The following IFT74 variants were observed in gnomAD, a reference collection of about 807,000 sequenced individuals.
IFT74 encodes intraflagellar transport 74.
A neutral mutation model predicts 96.7 loss-of-function variants in IFT74; 92 were observed. The observed-to-expected ratio is 0.95, with a 90% CI of 0.80 to 1.13. IFT74 has a LOEUF of 1.13. Among genes scored for constraint, IFT74 ranks in the 50% most tolerant of loss-of-function variants. The probability of loss-of-function intolerance (pLI) is 0.00; values close to 1 mark genes in which losing one functional copy is unlikely to be tolerated. For missense variants in IFT74, 811 were observed against 698.2 expected (o/e 1.16, Z -1.82); for synonymous variants, 223 against 213.2 (o/e 1.05, Z -0.40).
At chr9:27,031,762 AAAATAAAATAAAATAAAAT>A (rs1563989096) in intron 13 of IFT74, among the ~76,000 whole-genome samples, 4 of 148,072 alleles carry the variant, frequency 2.7e-5, no homozygotes, top group Admixed American at 6.7e-5. Context: ...AAAATAAAAT[AAAATAAAATAAAATAAAAT>A]AAATAAAATA....
intron 1 of IFT74, among the ~76,000 whole-genome samples, chr9:26,957,736 T>C (rs916997229): frequency 2.6e-5 from 4 of 151,964 alleles, no homozygotes; most frequent in African/African-American, 9.7e-5. Flanking sequence ...GTCAGAAAAG[T>C]AGTACTGGAC....
chr9:27,036,778 A>C (rs1182605919), intron 13 of IFT74: 1 of 1,142,966 alleles, frequency 8.7e-7, no homozygotes, highest in Non-Finnish European at 1.1e-6. Context: ...ACAAGAAAAT[A>C]AAATTCTTAG....
chr9:26,981,594 G>A (rs1365619300), intron 4 of IFT74, among the ~76,000 whole-genome samples: 1 of 151,926 alleles, frequency 6.6e-6, no homozygotes, highest in African/African-American at 2.4e-5. Flanking sequence ...TTGTGTGTGT[G>A]TTTTTAGTAG....
intron 8 of IFT74, among the ~76,000 whole-genome samples, chr9:27,003,380 G>A (rs1254676711): frequency 1.3e-5 from 2 of 152,056 alleles, no homozygotes; most frequent in African/African-American, 4.8e-5. Flanking sequence ...AAAATTAGCC[G>A]GGTGCAGTGG....
At chr9:26,995,929 C>G (rs41272239) in intron 8 of IFT74, 1 of 964,976 alleles carries the variant, frequency 1.0e-6, no homozygotes, top group Non-Finnish European at 1.5e-6. Context: ...TATCCTAATT[C>G]TCCTCAATAT....
At chr9:27,040,922 G>A (rs931081900) in intron 13 of IFT74, among the ~76,000 whole-genome samples, 1 of 152,128 alleles carries the variant, frequency 6.6e-6, no homozygotes, top group African/African-American at 2.4e-5. Context: ...GTAAAAGTAT[G>A]GGGTGAACTT....
intron 3 of IFT74, among the ~76,000 whole-genome samples, chr9:26,979,655 G>A (rs1247096987): frequency 2.0e-5 from 3 of 148,720 alleles, no homozygotes; most frequent in Non-Finnish European, 4.4e-5. Flanking sequence ...ACTTTGCAGG[G>A]CACTTCATCT....
At chr9:26,958,809 G>A (rs544134739) in intron 1 of IFT74, among the ~76,000 whole-genome samples, 1 of 152,182 alleles carries the variant, frequency 6.6e-6, no homozygotes, top group South Asian at 2.1e-4. Context: ...CCCTGAGTGT[G>A]GATAAGGGGG....
chr9:27,024,974 T>TAAA (rs753094409), intron 12 of IFT74, among the ~76,000 whole-genome samples: 1 of 130,800 alleles, frequency 7.6e-6, no homozygotes, highest in Non-Finnish European at 1.7e-5. Context: ...AAAAAAGAAT[T>TAAA]AAAAAAAAAA....
intron 6 of IFT74, among the ~76,000 whole-genome samples, chr9:26,985,977 C>A (rs1052908898): frequency 6.6e-6 from 1 of 152,120 alleles, no homozygotes; most frequent in Non-Finnish European, 1.5e-5. Flanking sequence ...GAAACAGTCC[C>A]CCTGGCAATA....
chr9:26,998,713 G>C (rs553737957), intron 8 of IFT74, among the ~76,000 whole-genome samples: 15 of 152,234 alleles, frequency 9.9e-5, no homozygotes, highest in African/African-American at 3.4e-4. Context: ...GCTGGGCATG[G>C]TGGCTCACGC....
intron 13 of IFT74, among the ~76,000 whole-genome samples, chr9:27,044,476 T>C (rs1268582072): frequency 2.0e-5 from 3 of 152,222 alleles, no homozygotes; most frequent in Admixed American, 2.0e-4. Context: ...GCACCCATAG[T>C]GTTCATGTAT....
chr9:26,999,564 G>A, intron 8 of IFT74: 1 of 1,370,122 alleles, frequency 7.3e-7, no homozygotes, highest in Non-Finnish European at 1.0e-6. Context: ...TAAATATACA[G>A]AAAATGTACC....
intron 8 of IFT74, among the ~76,000 whole-genome samples, chr9:26,991,983 C>T (rs1023042318): frequency 2.0e-5 from 3 of 151,730 alleles, no homozygotes; most frequent in Non-Finnish European, 2.9e-5. Flanking sequence ...TAGCTGAGGT[C>T]GCGCCATCGT....
chr9:27,060,557 G>T (rs376612433), intron 18 of IFT74, 34 bp from the exon 19 acceptor site: 7 of 1,401,872 alleles, frequency 5.0e-6, no homozygotes, highest in Non-Finnish European at 5.0e-6. Flanking sequence ...TTTAAATATG[G>T]GTCCTAATTA....
chr9:27,002,746 T>C (rs1321488921), intron 8 of IFT74, among the ~76,000 whole-genome samples: 1 of 152,232 alleles, frequency 6.6e-6, no homozygotes, highest in East Asian at 1.9e-4. Context: ...TTGTTCCTTT[T>C]TGCTGAGGGT....
intron 7 of IFT74, 26 bp downstream of exon 7, chr9:26,988,754 G>C: frequency 1.3e-6 from 2 of 1,496,424 alleles, no homozygotes; most frequent in Non-Finnish European, 1.8e-6. Flanking sequence ...AAAGCAAATT[G>C]ATCTATGTAA....
Position 26,984,289 on chromosome 9 carries a change from A to G in IFT74, c.338A>G (p.Asn113Ser). The stretch of plus-strand genomic sequence containing the variant: ...ATAAGTGAACTTACAACTGAAGTTA[A>G]TAAACTTCAGAAGGGAATAGAAATG... ...SKISELTTEVNKLQKGIEMYN... is the reference protein window; with the variant it reads ...SKISELTTEVSKLQKGIEMYN... The change falls in exon 5 of 20, where the codon AAT becomes AGT. Residue 113 changes from asparagine to serine, a missense_variant. Transcript: ENST00000380062. 2 of 1,572,890 alleles carry G rather than the reference A, an allele frequency of 1.3e-6. No individual in the cohort carries two copies. Among genetic ancestry groups the G allele is most frequent in the Non-Finnish European group, 1.7e-6 (2 of 1,158,292 alleles).
intron 2 of IFT74, among the ~76,000 whole-genome samples, chr9:26,967,406 A>G (rs1826673895): frequency 2.0e-5 from 3 of 152,112 alleles, no homozygotes; most frequent in Non-Finnish European, 2.9e-5. Flanking sequence ...CCCTGTTAGC[A>G]TATAGAAATG....
Sources: allele counts gnomAD v4.1 joint callset (sites outside exome capture counted in the v4.1 genomes callset), GRCh38; gene constraint gnomAD v4.1.1; transcripts MANE v1.5; gene names NCBI Gene and HGNC (gene_info 2026-07-23, HGNC 2026-07-21).